Variants in CSMD1 observed in about 807,000 individuals in gnomAD.
CSMD1 encodes the protein CUB and sushi domain-containing protein 1.
A neutral mutation model predicts 417.5 loss-of-function variants in CSMD1; 213 were observed. The ratio of observed to expected loss-of-function variants is 0.51; its 90% CI spans 0.46 to 0.57. The LOEUF (loss-of-function observed/expected upper bound fraction) is 0.57, where lower values mean the gene tolerates loss of function less well. CSMD1 is among the 20% of genes least tolerant of loss of function. The probability of loss-of-function intolerance (pLI) is 0.00; values close to 1 mark genes in which losing one functional copy is unlikely to be tolerated. For missense variants in CSMD1, 6,923 were observed against 4,529.7 expected (o/e 1.53, Z -15.17); for synonymous variants, 2,862 against 1,736.8 (o/e 1.65, Z -16.11).
At chr8:4,024,442 A>G (rs1396935432) in intron 4 of CSMD1, among the ~76,000 whole-genome samples, 1 of 152,210 alleles carries the variant, frequency 6.6e-6, no homozygotes, top group Non-Finnish European at 1.5e-5. Context: ...CCATGTTCAT[A>G]TGTTACTGAT....
intron 7 of CSMD1, among the ~76,000 whole-genome samples, chr8:3,688,605 T>C (rs930231863): frequency 5.9e-5 from 9 of 152,344 alleles, no homozygotes; most frequent in African/African-American, 2.2e-4. Context: ...CAATAAAATA[T>C]TGGGGAAAAG....
chr8:3,110,243 G>A lies in CSMD1; in HGVS notation c.6523C>T (p.Leu2175Phe), dbSNP rs1217160986. 1.2e-6 allele frequency: 2 copies of A among 1,613,382 alleles called. No homozygotes were observed. Among genetic ancestry groups the A allele is most frequent in the South Asian group, 2.2e-5 (2 of 90,828 alleles). The change falls in exon 43 of 70, where the codon CTC becomes TTC. Residue 2175 changes from leucine (L) to phenylalanine (F), a missense_variant. Leu to Phe is a conservative substitution (Grantham distance 22, BLOSUM62 0). Transcript: ENST00000635120. Reference sequence around the variant, plus strand: ...CCGTGCCCTGGAGGCACCGTGATGAGCCAAATGCAGTCCTTCAGGATCGGA... The same window carrying A: ...CCGTGCCCTGGAGGCACCGTGATGAACCAAATGCAGTCCTTCAGGATCGGA... ...EYPILKDCIW[L>F]ITVPPGHGVY...
chr8:4,711,194 C>G (rs532058687), intron 1 of CSMD1, among the ~76,000 whole-genome samples: 1 of 150,074 alleles, frequency 6.7e-6, no homozygotes, highest in Non-Finnish European at 1.5e-5. Context: ...ATTACTCATA[C>G]TTGGAAAGGC....
At chr8:4,906,745 A>G (rs1194660892) in intron 1 of CSMD1, among the ~76,000 whole-genome samples, 2 of 152,064 alleles carry the variant, frequency 1.3e-5, no homozygotes, top group African/African-American at 4.8e-5. Context: ...TTTTTAGTAG[A>G]GACGGGGTTT....
chr8:4,323,072 T>G (rs1033324939), intron 3 of CSMD1, among the ~76,000 whole-genome samples: 1 of 149,384 alleles, frequency 6.7e-6, no homozygotes, highest in Non-Finnish European at 1.5e-5. Context: ...AATAGAGAGT[T>G]AAGCAGCGAA....
intron 38 of CSMD1, among the ~76,000 whole-genome samples, chr8:3,158,345 A>C (rs1455559242): frequency 6.6e-6 from 1 of 152,104 alleles, no homozygotes; most frequent in African/African-American, 2.4e-5. Flanking sequence ...AGAAAGTACT[A>C]GGTGGTGATT....
intron 2 of CSMD1, among the ~76,000 whole-genome samples, chr8:4,634,098 C>T (rs1337519005): frequency 6.6e-6 from 1 of 151,564 alleles, no homozygotes; most frequent in Non-Finnish European, 1.5e-5. Context: ...CTGTGCTTAC[C>T]AAGAGAGGTC....
chr8:4,254,532 C>T (rs1028553884), intron 3 of CSMD1, among the ~76,000 whole-genome samples: 5 of 152,120 alleles, frequency 3.3e-5, no homozygotes, highest in African/African-American at 7.2e-5. Flanking sequence ...TAAACGTATG[C>T]TGTTTATGAA....
intron 2 of CSMD1, among the ~76,000 whole-genome samples, chr8:4,564,484 C>A (rs1269610048): frequency 6.6e-6 from 1 of 152,152 alleles, no homozygotes; most frequent in Non-Finnish European, 1.5e-5. Context: ...CAGGGACACA[C>A]ATTCATTCCA....
intron 4 of CSMD1, among the ~76,000 whole-genome samples, chr8:4,006,254 C>G (rs1394667265): frequency 1.3e-5 from 2 of 152,336 alleles, no homozygotes; most frequent in East Asian, 3.9e-4. Context: ...AAGGATCATT[C>G]ACCCACAGGA....
intron 2 of CSMD1, among the ~76,000 whole-genome samples, chr8:4,476,550 G>A (rs1490398126): frequency 2.0e-5 from 3 of 152,046 alleles, no homozygotes; most frequent in Non-Finnish European, 4.4e-5. Context: ...AAAACAGAAA[G>A]GGATTTTAAA....
chr8:4,791,029 G>A (rs932906566), intron 1 of CSMD1, among the ~76,000 whole-genome samples: 5 of 152,104 alleles, frequency 3.3e-5, no homozygotes, highest in African/African-American at 9.7e-5. Flanking sequence ...TAAACTATCA[G>A]GAGAGTAAAT....
At chr8:3,042,301 C>G (rs185168689) in intron 50 of CSMD1, among the ~76,000 whole-genome samples, 1 of 152,052 alleles carries the variant, frequency 6.6e-6, no homozygotes. Context: ...AGCTAAGGTA[C>G]CAAACTGACC....
chr8:4,412,697 T>C (rs1796714622), intron 3 of CSMD1, among the ~76,000 whole-genome samples: 1 of 152,220 alleles, frequency 6.6e-6, no homozygotes, highest in Admixed American at 6.6e-5. Flanking sequence ...TAAGTTCACG[T>C]AACCAACATA....
At chr8:4,746,370 A>G (rs1810952840) in intron 1 of CSMD1, among the ~76,000 whole-genome samples, 2 of 152,214 alleles carry the variant, frequency 1.3e-5, no homozygotes, top group South Asian at 4.1e-4. Context: ...TTTAAGCGTT[A>G]GTCCTTTTCA....
At chr8:4,331,321 C>T (rs1329017399) in intron 3 of CSMD1, among the ~76,000 whole-genome samples, 1 of 152,100 alleles carries the variant, frequency 6.6e-6, no homozygotes, top group Non-Finnish European at 1.5e-5. Flanking sequence ...TGGGTGCAAA[C>T]GCAGTTTTGA....
intron 3 of CSMD1, among the ~76,000 whole-genome samples, chr8:4,107,017 T>C (rs17404544): frequency 0.069 from 10,552 of 152,024 alleles, 474 homozygotes; most frequent in Middle Eastern, 0.17. Context: ...GGAGAGAAAA[T>C]TGTATGAGAG....
chr8:3,388,912 CACA>C, intron 17 of CSMD1, among the ~76,000 whole-genome samples: 1 of 41,598 alleles, frequency 2.4e-5, no homozygotes, highest in African/African-American at 1.4e-4. Context: ...CACACACACA[CACA>C]CACACACACA....
intron 37 of CSMD1, among the ~76,000 whole-genome samples, chr8:3,171,127 T>C (rs1820557479): frequency 6.6e-6 from 1 of 152,214 alleles, no homozygotes; most frequent in South Asian, 2.1e-4. Context: ...GAAACAGATA[T>C]TTTAAAATGA....
Sources: gnomAD v4.1 joint callset for allele counts (sites outside exome capture counted in the v4.1 genomes callset) on GRCh38, gnomAD v4.1.1 for gene constraint, MANE v1.5 for transcripts, NCBI Gene and HGNC (gene_info 2026-07-23, HGNC 2026-07-21) for gene names.